PHLPP1: variants seen among roughly 807,000 people sequenced by gnomAD.
PHLPP1 encodes the protein PH domain leucine-rich repeat-containing protein phosphatase 1.
PHLPP1 carries 42 observed loss-of-function variants against 117.2 expected under a neutral mutation model. The ratio of observed to expected loss-of-function variants is 0.36; its 90% CI spans 0.28 to 0.46. The LOEUF (loss-of-function observed/expected upper bound fraction) is 0.46, where lower values mean the gene tolerates loss of function less well. Ranked by LOEUF, PHLPP1 falls within the 20% of genes least tolerant of loss-of-function variation. The pLI, the probability that PHLPP1 is intolerant of heterozygous loss-of-function variation, is 1.00. For synonymous variants in PHLPP1, 1,042 were observed against 970.7 expected (o/e 1.07, Z -1.37); for missense variants, 2,084 against 2,241.9 (o/e 0.93, Z 1.42).
At position 62,975,421 on chromosome 18, in the gene PHLPP1, G is replaced by A; in HGVS notation, c.3780G>A (p.Lys1260=). Residue 1260 remains lysine, a synonymous_variant, in exon 16 of 17, where the codon AAG becomes AAA. Transcript: ENST00000262719. ...GGAAACTTGGAACTGCTGGGCAGAA[G>A]CTTGGTGGTGCCGCTGTCCTTTGTC... is the stretch of plus-strand genomic sequence containing the variant. ...MQRKLGTAGQ[K]LGGAAVLCHI... is the part of the protein sequence containing the mutation. 1 of 1,613,672 alleles carries A rather than the reference G, an allele frequency of 6.2e-7. No individual in the cohort carries two copies. Among genetic ancestry groups the A allele is most frequent in the South Asian group, 1.1e-5 (1 of 91,068 alleles).
intron 1 of PHLPP1, among the ~76,000 whole-genome samples, chr18:62,829,583 C>A (rs948778237): frequency 4.6e-5 from 7 of 152,148 alleles, no homozygotes; most frequent in Admixed American, 1.3e-4. Context: ...GAAACCCCGT[C>A]TCTACTAAAA....
At chr18:62,721,107 G>A (rs1164607390) in intron 1 of PHLPP1, among the ~76,000 whole-genome samples, 1 of 152,088 alleles carries the variant, frequency 6.6e-6, no homozygotes, top group East Asian at 1.9e-4. Flanking sequence ...TGCTGTTTTT[G>A]TTGGTAATGA....
intron 12 of PHLPP1, 74 bp from the exon 13 acceptor site, chr18:62,958,555 G>T (rs1410769940): frequency 2.8e-6 from 4 of 1,452,074 alleles, no homozygotes; most frequent in Non-Finnish European, 2.9e-6. Flanking sequence ...TGCATGCAAA[G>T]AGTAGGAGTA....
intron 8 of PHLPP1, among the ~76,000 whole-genome samples, chr18:62,909,616 G>A (rs1599115035): frequency 4.0e-3 from 1 of 252 alleles, no homozygotes; most frequent in Non-Finnish European, 0.013. Flanking sequence ...TTGAATCTCT[G>A]AATAGACCAA....
chr18:62,843,281 C>T (rs1915099715), intron 3 of PHLPP1, among the ~76,000 whole-genome samples: 1 of 152,086 alleles, frequency 6.6e-6, no homozygotes, highest in Non-Finnish European at 1.5e-5. Context: ...TAGTAACTGT[C>T]CCCACTCCAG....
chr18:62,934,934 G>C (rs1909926679), intron 10 of PHLPP1, among the ~76,000 whole-genome samples: 1 of 152,152 alleles, frequency 6.6e-6, no homozygotes, highest in Admixed American at 6.5e-5. Flanking sequence ...ATTTCTTAAT[G>C]GGGAAACCCC....
intron 1 of PHLPP1, among the ~76,000 whole-genome samples, 175 bp from the exon 2 acceptor site, chr18:62,829,860 G>A (rs145641547): frequency 2.1e-3 from 319 of 152,324 alleles, no homozygotes; most frequent in Admixed American, 3.5e-3. Context: ...ATGTGGAGAT[G>A]TAGTTCTTAC....
intron 4 of PHLPP1, among the ~76,000 whole-genome samples, chr18:62,891,529 G>A (rs1300308697): frequency 6.6e-6 from 1 of 152,046 alleles, no homozygotes; most frequent in Admixed American, 6.6e-5. Flanking sequence ...AGGTTGCAGT[G>A]AGCCGAGATC....
intron 1 of PHLPP1, among the ~76,000 whole-genome samples, chr18:62,734,595 A>T (rs2060740177): frequency 1.3e-5 from 2 of 152,212 alleles, no homozygotes; most frequent in South Asian, 4.1e-4. Context: ...GTGTTTTATA[A>T]TTATGAGAAA....
intron 1 of PHLPP1, among the ~76,000 whole-genome samples, chr18:62,725,866 G>A (rs1448809231): frequency 2.0e-5 from 3 of 152,084 alleles, no homozygotes; most frequent in African/African-American, 7.2e-5. Context: ...AATTTTAAAT[G>A]AGTAAAGGAA....
At chr18:62,767,657 A>C (rs1912593277) in intron 1 of PHLPP1, among the ~76,000 whole-genome samples, 2 of 152,200 alleles carry the variant, frequency 1.3e-5, no homozygotes, top group South Asian at 4.1e-4. Context: ...GCAAGAATTG[A>C]TCTGTCTCTG....
chr18:62,758,223 CT>C (rs1912092657), intron 1 of PHLPP1, among the ~76,000 whole-genome samples: 2 of 152,132 alleles, frequency 1.3e-5, no homozygotes, highest in Non-Finnish European at 2.9e-5. Flanking sequence ...TTTCTTACCC[CT>C]ATAGGGTACC....
chr18:62,726,796 C>G (rs1388077200), intron 1 of PHLPP1, among the ~76,000 whole-genome samples: 1 of 151,460 alleles, frequency 6.6e-6, no homozygotes, highest in African/African-American at 2.4e-5. Context: ...GTTGGCCATG[C>G]TGGTCTTGAA....
intron 1 of PHLPP1, among the ~76,000 whole-genome samples, chr18:62,780,438 A>T (rs1258260702): frequency 6.6e-6 from 1 of 152,200 alleles, no homozygotes; most frequent in Admixed American, 6.5e-5. Flanking sequence ...TGAGAATTTT[A>T]TGATTGACTT....
intron 1 of PHLPP1, among the ~76,000 whole-genome samples, chr18:62,774,558 C>A (rs1267542038): frequency 6.6e-6 from 1 of 152,180 alleles, no homozygotes; most frequent in African/African-American, 2.4e-5. Flanking sequence ...TAATGATTCC[C>A]ATCCCTTCTT....
chr18:62,904,238 A>G lies in PHLPP1; in HGVS notation c.2648-986A>G, dbSNP rs1209419923. ...AGAATCTGAATGTGGCTTGTTCGGC[A>G]GTTGGGAGAAAACAGGGAATTCTGA... On this transcript the variant is annotated intron_variant, in intron 7 of 16. Transcript: ENST00000262719. Among the ~76,000 whole-genome samples the G allele has an allele frequency of 3.3e-5, 5 of 152,258 alleles. No individual in the cohort carries two copies. The South Asian group carries it at 6.2e-4, about 19-fold the overall frequency.
chr18:62,954,470 A>G (rs1352963238), intron 12 of PHLPP1, among the ~76,000 whole-genome samples: 1 of 152,200 alleles, frequency 6.6e-6, no homozygotes, highest in Non-Finnish European at 1.5e-5. Context: ...GATTCAGCCA[A>G]CAAGTGTTTG....
Position 62,796,498 on chromosome 18 carries a change from C to T in PHLPP1, c.1577-33537C>T, listed in dbSNP as rs1252726387. On this transcript the variant is annotated intron_variant, in intron 1 of 16. Transcript: ENST00000262719. ...AGAGGAAGGAATTGTTCAAACATAA[C>T]TTTAACCTTCATTCCTTTCCCTGCC... 3.3e-5 allele frequency among the ~76,000 whole-genome samples: 5 copies of T among 152,234 alleles called. 1 individual carries two copies. Among genetic ancestry groups the T allele is most frequent in the Admixed American group, 3.3e-4 (5 of 15,290 alleles).
chr18:62,879,662 C>T (rs1221399549), intron 4 of PHLPP1, among the ~76,000 whole-genome samples: 1 of 152,154 alleles, frequency 6.6e-6, no homozygotes, highest in African/African-American at 2.4e-5. Context: ...CCCACCTTGG[C>T]CTCCCAAAGT....
Sources: gnomAD v4.1 joint callset for allele counts (sites outside exome capture counted in the v4.1 genomes callset) on GRCh38, gnomAD v4.1.1 for gene constraint, MANE v1.5 for transcripts, NCBI Gene and HGNC (gene_info 2026-07-23, HGNC 2026-07-21) for gene names.